Variants in CCSER1 observed in about 807,000 individuals in gnomAD.
CCSER1 encodes serine-rich coiled-coil domain-containing protein 1.
Under a neutral mutation model 82.0 loss-of-function variants are expected in CCSER1, and 41 were observed. The ratio of observed to expected loss-of-function variants is 0.50; its 90% CI spans 0.39 to 0.65. CCSER1 has a LOEUF of 0.65. Among genes scored for constraint, CCSER1 ranks in the 30% least tolerant of loss-of-function variants. The pLI is 0.00. For synonymous variants in CCSER1, 414 were observed against 383.9 expected (o/e 1.08, Z -0.92); for missense variants, 1,119 against 1,064.2 (o/e 1.05, Z -0.72).
intron 10 of CCSER1, among the ~76,000 whole-genome samples, chr4:91,363,146 A>C (rs1324096693): frequency 2.0e-5 from 3 of 151,804 alleles, no homozygotes. Flanking sequence ...CAAAAACAAA[A>C]CAAACAAAGA....
At chr4:91,264,614 T>C (rs1427105979) in intron 10 of CCSER1, among the ~76,000 whole-genome samples, 3 of 152,066 alleles carry the variant, frequency 2.0e-5, no homozygotes, top group Non-Finnish European at 4.4e-5. Context: ...TAAAGCATAA[T>C]GAATTTTTAA....
At chr4:91,105,165 T>A (rs1453679781) in intron 10 of CCSER1, among the ~76,000 whole-genome samples, 1 of 152,200 alleles carries the variant, frequency 6.6e-6, no homozygotes, top group South Asian at 2.1e-4. Context: ...CTGTGTCAGA[T>A]AATTATCCTT....
chr4:91,541,777 G>A (rs1490277948), intron 10 of CCSER1, among the ~76,000 whole-genome samples: 1 of 152,088 alleles, frequency 6.6e-6, no homozygotes, highest in Non-Finnish European at 1.5e-5. Context: ...GGTATTTCTA[G>A]TTCTAGATCC....
intron 10 of CCSER1, among the ~76,000 whole-genome samples, chr4:91,395,290 C>T (rs751642397): frequency 6.6e-6 from 1 of 152,022 alleles, no homozygotes; most frequent in Non-Finnish European, 1.5e-5. Context: ...GGAGGTCTCA[C>T]TTTGTAGTAC....
rs571740550 is a variant in CCSER1, at chr4:90,487,484, A to T, written c.1724+19130A>T. Among the ~76,000 whole-genome samples the T allele has an allele frequency of 9.8e-5, 15 of 152,294 alleles. No homozygotes were observed. In the East Asian group the frequency reaches 2.5e-3, roughly 25 times the overall value. ...CTTTCTATCATATACTTGTTTGTTC[A>T]GTATTTATCATATAGGTTTTCAAAT... is the stretch of plus-strand genomic sequence containing the variant. On this transcript the variant is annotated intron_variant, in intron 5 of 10. Transcript: ENST00000509176.
intron 1 of CCSER1, among the ~76,000 whole-genome samples, chr4:90,156,222 A>C (rs1189575476): frequency 2.0e-5 from 3 of 152,298 alleles, no homozygotes; most frequent in East Asian, 3.9e-4. Flanking sequence ...GTTTGATTGC[A>C]CTGTGGTCTG....
chr4:90,753,512 G>A (rs191224211), intron 7 of CCSER1, among the ~76,000 whole-genome samples: 276 of 152,172 alleles, frequency 1.8e-3, no homozygotes, highest in Non-Finnish European at 2.4e-3. Flanking sequence ...CCCATTCTGT[G>A]AGCAATTCTG....
At chr4:90,900,438 TA>T (rs1215384856) in intron 8 of CCSER1, among the ~76,000 whole-genome samples, 1 of 152,020 alleles carries the variant, frequency 6.6e-6, no homozygotes, top group Non-Finnish European at 1.5e-5. Context: ...AATTTAGTAA[TA>T]TAAACTTTCC....
chr4:90,937,069 A>T (rs1055711251), intron 9 of CCSER1, among the ~76,000 whole-genome samples: 1 of 152,210 alleles, frequency 6.6e-6, no homozygotes, highest in Non-Finnish European at 1.5e-5. Flanking sequence ...CTAGTCAATG[A>T]AGACAGGCAG....
At chr4:90,217,418 C>G (rs1741270637) in intron 1 of CCSER1, among the ~76,000 whole-genome samples, 1 of 152,046 alleles carries the variant, frequency 6.6e-6, no homozygotes, top group Non-Finnish European at 1.5e-5. Flanking sequence ...AGGCTGGTCT[C>G]AAAACTCCTG....
intron 10 of CCSER1, among the ~76,000 whole-genome samples, chr4:91,543,665 G>T (rs1265809292): frequency 1.3e-5 from 2 of 152,184 alleles, no homozygotes; most frequent in African/African-American, 4.8e-5. Context: ...TCTACCCAGA[G>T]ATCCACTGTT....
intron 9 of CCSER1, among the ~76,000 whole-genome samples, chr4:91,025,834 G>A (rs185942643): frequency 6.6e-6 from 1 of 152,238 alleles, no homozygotes; most frequent in East Asian, 1.9e-4. Context: ...ATAGGGGTGT[G>A]TGTATGTGTG....
intron 7 of CCSER1, among the ~76,000 whole-genome samples, chr4:90,733,723 A>G (rs1386011484): frequency 2.0e-5 from 3 of 152,148 alleles, no homozygotes; most frequent in Non-Finnish European, 2.9e-5. Context: ...ATAGGGGTCT[A>G]GTTTCATTCT....
chr4:90,169,890 T>A (rs1304452265), intron 1 of CCSER1, among the ~76,000 whole-genome samples: 1 of 151,958 alleles, frequency 6.6e-6, no homozygotes, highest in African/African-American at 2.4e-5. Context: ...TTTCATGCCA[T>A]TTTCCAGGCT....
intron 1 of CCSER1, among the ~76,000 whole-genome samples, chr4:90,293,142 A>G (rs1731235517): frequency 1.3e-5 from 2 of 151,870 alleles, no homozygotes; most frequent in African/African-American, 2.4e-5. Flanking sequence ...TTACACTAAT[A>G]TGTTTTCTAC....
intron 9 of CCSER1, among the ~76,000 whole-genome samples, chr4:91,038,724 C>T (rs1174915285): frequency 6.6e-6 from 1 of 152,084 alleles, no homozygotes; most frequent in African/African-American, 2.4e-5. Context: ...CATATTTCCC[C>T]CCTTTTTATT....
At chr4:91,150,720 T>C (rs1357616628) in intron 10 of CCSER1, among the ~76,000 whole-genome samples, 1 of 151,422 alleles carries the variant, frequency 6.6e-6, no homozygotes, top group African/African-American at 2.4e-5. Context: ...AGAAGGCCTT[T>C]TCTGCATCAT....
intron 3 of CCSER1, among the ~76,000 whole-genome samples, chr4:90,338,842 ATTG>A (rs1740875618): frequency 1.3e-5 from 2 of 152,140 alleles, no homozygotes; most frequent in Non-Finnish European, 2.9e-5. Flanking sequence ...TTTTTATTGT[ATTG>A]ACATCATATC....
chr4:90,965,647 A>T (rs914037324), intron 9 of CCSER1, among the ~76,000 whole-genome samples: 4 of 152,162 alleles, frequency 2.6e-5, no homozygotes, highest in African/African-American at 9.7e-5. Context: ...TTTCATTAAA[A>T]AAAGATGACA....
Sources: gnomAD v4.1 joint callset for allele counts (sites outside exome capture counted in the v4.1 genomes callset) on GRCh38, gnomAD v4.1.1 for gene constraint, MANE v1.5 for transcripts, NCBI Gene and HGNC (gene_info 2026-07-23, HGNC 2026-07-21) for gene names.